Variants in DCAF8L2 observed in about 807,000 individuals in gnomAD.
DCAF8L2 encodes DDB1- and CUL4-associated factor 8-like protein 2.
For missense variants in DCAF8L2, 430 were observed against 490.7 expected, an observed-to-expected ratio of 0.88 and a Z score of 1.17; for synonymous variants, 200 against 190.9, an observed-to-expected ratio of 1.05 and a Z score of -0.39.
At chrX:27,718,178 C>A (rs1442514313) in intron 4 of DCAF8L2, among the ~76,000 whole-genome samples, 1 of 110,479 alleles carries the variant, frequency 9.1e-6, no homozygotes, top group African/African-American at 3.3e-5. Context: ...AATTAGATTT[C>A]CTCCTTTCAT....
At chrX:27,488,255 A>G in the DCAF8L2 span, among the ~76,000 whole-genome samples, 2 of 110,707 alleles carry the variant, frequency 1.8e-5, no homozygotes, top group Non-Finnish European at 3.8e-5. Context: ...ATGGTATTGA[A>G]AATTCCTTCA....
chrX:27,661,745 G>A (rs1180025694), intron 2 of DCAF8L2, among the ~76,000 whole-genome samples: 3 of 111,652 alleles, frequency 2.7e-5, no homozygotes, highest in Non-Finnish European at 3.8e-5. Flanking sequence ...ACTTGACACT[G>A]AAAAATGTAT....
rs139333270 is a variant in DCAF8L2, at chrX:27,631,663, C to T, written c.-341-216C>T. ...TTGGAAGAAAGGTATCTTCCTCCCA[C>T]AGTGAATAACTTAAAGTAGGACAAT... On this transcript the variant is annotated intron_variant, in intron 1 of 4. Transcript: ENST00000451261. 6.8e-4 allele frequency among the ~76,000 whole-genome samples: 76 copies of T among 111,985 alleles called. 1 individual carries two copies. In the East Asian group the frequency reaches 0.021, roughly 30 times the overall value.
intron 3 of DCAF8L2, among the ~76,000 whole-genome samples, chrX:27,690,691 C>G (rs767746906): frequency 1.1e-4 from 12 of 110,941 alleles, no homozygotes; most frequent in African/African-American, 3.9e-4. Context: ...TCTAATCTGG[C>G]CTTTACCTCC....
chrX:27,525,226 C>T, the DCAF8L2 span, among the ~76,000 whole-genome samples: 1 of 111,790 alleles, frequency 8.9e-6, no homozygotes. Context: ...GTATTGGGTG[C>T]ATATATATTT....
the DCAF8L2 span, among the ~76,000 whole-genome samples, chrX:27,553,253 T>C: frequency 2.2e-4 from 24 of 111,522 alleles, no homozygotes; most frequent in African/African-American, 6.8e-4. Flanking sequence ...ATTCTTTAAA[T>C]GTCTGCTAGG....
At chrX:27,558,850 G>C in the DCAF8L2 span, among the ~76,000 whole-genome samples, 63 of 105,920 alleles carry the variant, frequency 5.9e-4, no homozygotes, top group African/African-American at 2.0e-3. Flanking sequence ...CTTTCATCAG[G>C]CTGTGTTCCA....
intron 2 of DCAF8L2, among the ~76,000 whole-genome samples, chrX:27,661,900 G>A (rs1929572005): frequency 9.0e-6 from 1 of 111,439 alleles, no homozygotes; most frequent in Admixed American, 9.6e-5. Context: ...TGGGATGTCT[G>A]GAAACTTATA....
chrX:27,476,647 T>C, the DCAF8L2 span, among the ~76,000 whole-genome samples: 1 of 111,708 alleles, frequency 9.0e-6, no homozygotes, highest in Non-Finnish European at 1.9e-5. Context: ...TGAGAGCATT[T>C]GGAAGGACTT....
At chrX:27,582,381 A>G in the DCAF8L2 span, among the ~76,000 whole-genome samples, 2 of 111,342 alleles carry the variant, frequency 1.8e-5, no homozygotes, top group Non-Finnish European at 3.8e-5. Flanking sequence ...GATCCAATGT[A>G]CTATCCCATA....
At chrX:27,470,011 G>A in the DCAF8L2 span, among the ~76,000 whole-genome samples, 1 of 110,765 alleles carries the variant, frequency 9.0e-6, no homozygotes. Context: ...CAGGTGATCC[G>A]CCCGCCTCGG....
At chrX:27,539,247 G>A in the DCAF8L2 span, among the ~76,000 whole-genome samples, 2 of 111,272 alleles carry the variant, frequency 1.8e-5, no homozygotes, top group Non-Finnish European at 3.8e-5. Flanking sequence ...GTTTTTGCAT[G>A]TGTGTGATTA....
intron 3 of DCAF8L2, among the ~76,000 whole-genome samples, chrX:27,711,523 G>A (rs1408160807): frequency 1.9e-5 from 2 of 107,719 alleles, no homozygotes; most frequent in Non-Finnish European, 3.8e-5. Context: ...GTGAGATGAT[G>A]GATATGCTAA....
intron 4 of DCAF8L2, among the ~76,000 whole-genome samples, chrX:27,735,046 CACATTTATG>C (rs1921444770): frequency 9.0e-6 from 1 of 111,687 alleles, no homozygotes; most frequent in Non-Finnish European, 1.9e-5. Context: ...GGCTGCCTTC[CACATTTATG>C]ACAGGTGGTA....
At chrX:27,730,903 C>T (rs1191266111) in intron 4 of DCAF8L2, among the ~76,000 whole-genome samples, 3 of 110,995 alleles carry the variant, frequency 2.7e-5, no homozygotes, top group African/African-American at 6.6e-5. Context: ...TTTAGCCTAG[C>T]GTCAGAGATA....
the DCAF8L2 span, among the ~76,000 whole-genome samples, chrX:27,532,151 T>C: frequency 9.1e-6 from 1 of 110,143 alleles, no homozygotes; most frequent in Non-Finnish European, 1.9e-5. Flanking sequence ...ACACTCAGGG[T>C]AGTAGCAATG....
At chrX:27,564,850 TA>T in the DCAF8L2 span, among the ~76,000 whole-genome samples, 3 of 109,433 alleles carry the variant, frequency 2.7e-5, no homozygotes, top group African/African-American at 1.0e-4. Flanking sequence ...AAGGTGATTT[TA>T]AAAAAAAATT....
the DCAF8L2 span, among the ~76,000 whole-genome samples, chrX:27,564,795 C>T: frequency 9.1e-6 from 1 of 109,633 alleles, no homozygotes; most frequent in Non-Finnish European, 1.9e-5. Context: ...AATTTTGGGC[C>T]ATGCTTCCTT....
intron 4 of DCAF8L2, among the ~76,000 whole-genome samples, chrX:27,716,603 C>A (rs5926878): frequency 0.49 from 54,499 of 111,064 alleles, 9,693 homozygotes; most frequent in Middle Eastern, 0.59. Flanking sequence ...TCCAAGCCTT[C>A]TCATCAGCTC....
Sources: gnomAD v4.1 joint callset for allele counts (sites outside exome capture counted in the v4.1 genomes callset) on GRCh38, gnomAD v4.1.1 for gene constraint, MANE v1.5 for transcripts, NCBI Gene and HGNC (gene_info 2026-07-23, HGNC 2026-07-21) for gene names.